SYNPO2: variants seen among roughly 807,000 people sequenced by gnomAD.
The protein encoded by SYNPO2 is synaptopodin 2, also known as synaptopodin-2.
SYNPO2 carries 56 observed loss-of-function variants against 85.0 expected under a neutral mutation model. That is an observed-to-expected ratio of 0.66 (90% CI 0.53 to 0.82). SYNPO2 has a LOEUF of 0.82. SYNPO2 is among the 40% of genes least tolerant of loss of function. SYNPO2 has a pLI of 0.00. For missense variants in SYNPO2, 1,575 were observed against 1,534.2 expected (o/e 1.03, Z -0.44); for synonymous variants, 602 against 591.1 (o/e 1.02, Z -0.27).
chr4:118,959,346 T>C (rs949948649), intron 1 of SYNPO2, among the ~76,000 whole-genome samples: 1 of 152,230 alleles, frequency 6.6e-6, no homozygotes, highest in Non-Finnish European at 1.5e-5. Flanking sequence ...GTTCGCCCTT[T>C]GTAGGCTTGA....
chr4:119,026,924 G>C lies in SYNPO2; in HGVS notation c.555G>C (p.Arg185Ser). The C allele has an allele frequency of 6.2e-7, 1 of 1,614,188 alleles. No homozygotes were observed. The highest frequency in any genetic ancestry group is 8.5e-7 in the Non-Finnish European group (1 of 1,180,032). ...RGRVAEELIL[R>S]EKVEAVQPGP... Reference sequence around the variant, plus strand: ...GCGTGGCAGAAGAGCTGATCTTAAGGGAGAAGGTAGAAGCGGTACAGCCTG... The same window carrying C: ...GCGTGGCAGAAGAGCTGATCTTAAGCGAGAAGGTAGAAGCGGTACAGCCTG... The change falls in exon 3 of 5, where the codon AGG (arginine) becomes AGC (serine). Residue 185 changes from arginine to serine, a missense_variant. Arg to Ser is a moderately radical substitution (Grantham distance 110). Around this residue, in one of 3 missense-constraint regions of SYNPO2, gnomAD observed 1,508 missense variants for 1,446.8 expected, o/e 1.04. Transcript: ENST00000307142.
At chr4:118,891,863 C>T (rs1183015092) in intron 1 of SYNPO2, among the ~76,000 whole-genome samples, 3 of 152,130 alleles carry the variant, frequency 2.0e-5, no homozygotes, top group African/African-American at 4.8e-5. Context: ...AAGAAAATTT[C>T]GGCGAGTGCT....
chr4:118,859,264 A>T (rs530795270), intron 1 of SYNPO2, among the ~76,000 whole-genome samples: 7 of 152,304 alleles, frequency 4.6e-5, no homozygotes, highest in African/African-American at 1.7e-4. Context: ...TTTTTAAATT[A>T]AATCTTTAAT....
rs149825371 is a variant in SYNPO2, at chr4:119,031,828, A to G, written c.3053A>G (p.Asn1018Ser). The G allele has an allele frequency of 6.2e-7, 1 of 1,614,152 alleles. No individual in the cohort carries two copies. Among genetic ancestry groups the G allele is most frequent in the Non-Finnish European group, 8.5e-7 (1 of 1,180,030 alleles). Reference sequence around the variant, plus strand: ...CCAGTGAATGCTGCCTCACCTACGAATGTGCAGGCTTCGTCAGTGTACTCG... The same window carrying G: ...CCAGTGAATGCTGCCTCACCTACGAGTGTGCAGGCTTCGTCAGTGTACTCG... The part of the protein sequence containing the change: ...PRPVNAASPT[N>S]VQASSVYSVP... Residue 1018 changes from asparagine to serine, a missense_variant, in exon 4 of 5, where the codon AAT (asparagine) becomes AGT (serine). By Grantham distance (46) the Asn-to-Ser change is conservative. This residue lies in a region of SYNPO2 where 1,508 missense variants were observed against 1,446.8 expected (regional missense o/e 1.04). Transcript: ENST00000307142.
At chr4:119,033,922 T>A in intron 4 of SYNPO2, 4 of 985,446 alleles carry the variant, frequency 4.1e-6, no homozygotes, top group Non-Finnish European at 4.8e-6. Context: ...TTAAGTCAGC[T>A]GCAGAACAAT....
At chr4:119,040,014 A>G (rs1738658467) in intron 4 of SYNPO2, among the ~76,000 whole-genome samples, 1 of 152,222 alleles carries the variant, frequency 6.6e-6, no homozygotes, top group Non-Finnish European at 1.5e-5. Context: ...CAAAGGATTC[A>G]GTCGCCCTGT....
intron 1 of SYNPO2, among the ~76,000 whole-genome samples, chr4:118,948,479 T>G (rs1345527370): frequency 6.6e-6 from 1 of 152,204 alleles, no homozygotes; most frequent in Non-Finnish European, 1.5e-5. Flanking sequence ...GTCTTTCTTT[T>G]ATGTTGCTAT....
chr4:118,919,047 T>G (rs1560863322), intron 1 of SYNPO2, among the ~76,000 whole-genome samples: 1 of 152,212 alleles, frequency 6.6e-6, no homozygotes, highest in Non-Finnish European at 1.5e-5. Flanking sequence ...TGTTTTGCCA[T>G]TTTTAGCATG....
intron 1 of SYNPO2, among the ~76,000 whole-genome samples, chr4:118,895,130 C>G (rs1371066608): frequency 1.3e-5 from 2 of 152,096 alleles, no homozygotes; most frequent in African/African-American, 2.4e-5. Context: ...TTGTTAGTAA[C>G]ATTTTGGGCA....
chr4:119,011,795 T>C (rs1737312494), intron 1 of SYNPO2, among the ~76,000 whole-genome samples: 1 of 152,178 alleles, frequency 6.6e-6, no homozygotes, highest in African/African-American at 2.4e-5. Flanking sequence ...TGTGTTGCAA[T>C]CTTAGCTCTC....
At chr4:118,912,647 A>G (rs906938353) in intron 1 of SYNPO2, among the ~76,000 whole-genome samples, 1 of 152,168 alleles carries the variant, frequency 6.6e-6, no homozygotes, top group African/African-American at 2.4e-5. Flanking sequence ...CCCTCTAATT[A>G]TCCTTCCAAT....
chr4:118,999,289 C>T (rs995838526), intron 1 of SYNPO2, among the ~76,000 whole-genome samples: 1 of 152,054 alleles, frequency 6.6e-6, no homozygotes, highest in African/African-American at 2.4e-5. Flanking sequence ...GCTCAGACTA[C>T]AGGCACGTGC....
At chr4:118,943,477 G>A (rs1734390963) in intron 1 of SYNPO2, among the ~76,000 whole-genome samples, 1 of 152,116 alleles carries the variant, frequency 6.6e-6, no homozygotes, top group Non-Finnish European at 1.5e-5. Flanking sequence ...GTGGGGGAAG[G>A]GAACAATTAT....
intron 1 of SYNPO2, among the ~76,000 whole-genome samples, chr4:118,870,772 T>C (rs548783375): frequency 1.4e-3 from 215 of 152,280 alleles, no homozygotes; most frequent in African/African-American, 4.7e-3. Context: ...TCAGGATAAA[T>C]AGCTAATGCA....
chr4:118,879,878 C>T (rs1328003061), intron 1 of SYNPO2, among the ~76,000 whole-genome samples: 6 of 152,076 alleles, frequency 3.9e-5, no homozygotes, highest in African/African-American at 1.4e-4. Context: ...CCTCCGAGAC[C>T]CTGCAACCGT....
At chr4:119,016,824 T>C (rs979413700) in intron 1 of SYNPO2, among the ~76,000 whole-genome samples, 1 of 152,224 alleles carries the variant, frequency 6.6e-6, no homozygotes, top group Non-Finnish European at 1.5e-5. Context: ...AGCAGTTATA[T>C]TGCAGCATCG....
At chr4:118,858,161 G>A (rs1206799568) in intron 1 of SYNPO2, among the ~76,000 whole-genome samples, 1 of 152,140 alleles carries the variant, frequency 6.6e-6, no homozygotes, top group Non-Finnish European at 1.5e-5. Context: ...CCTAGATGGT[G>A]ACATCTTCTC....
chr4:118,879,955 G>C (rs73842290), intron 1 of SYNPO2, among the ~76,000 whole-genome samples: 484 of 151,898 alleles, frequency 3.2e-3, no homozygotes, highest in African/African-American at 0.011. Flanking sequence ...CCCAGGAGCA[G>C]CAGATCATCC....
rs114537696 is a variant in SYNPO2 at position 118,995,906 on chromosome 4, C to G, written c.106-27524C>G. ...TCTATCTATCTATCTATCTATCTAT[C>G]ATCTATCTAATTTTGCTTTTTTCTG... On this transcript the variant is annotated intron_variant, in intron 1 of 4. Transcript: ENST00000307142. Among the ~76,000 whole-genome samples, 586 of 145,122 alleles carry G rather than the reference C, an allele frequency of 4.0e-3. 2 individuals are homozygous for G. Among genetic ancestry groups the G allele is most frequent in the African/African-American group, 0.014 (553 of 39,104 alleles).
Sources: gnomAD v4.1 joint callset for allele counts (sites outside exome capture counted in the v4.1 genomes callset) on GRCh38, gnomAD v4.1.1 for gene constraint, gnomAD v4.1.1 regional missense constraint, MANE v1.5 for transcripts, NCBI Gene and HGNC (gene_info 2026-07-23, HGNC 2026-07-21) for gene names.